RYR3: variants seen among roughly 807,000 people sequenced by gnomAD.
RYR3 encodes the protein ryanodine receptor 3, also known as brain ryanodine receptor-calcium release channel.
RYR3 carries 207 observed loss-of-function variants against 584.3 expected under a neutral mutation model. The observed-to-expected ratio is 0.35, with a 90% CI of 0.32 to 0.40. RYR3 has a LOEUF of 0.40. Among genes scored for constraint, RYR3 ranks in the 10% least tolerant of loss-of-function variants. The pLI, the probability that RYR3 is intolerant of heterozygous loss-of-function variation, is 1.00. For missense variants in RYR3, 5,616 were observed against 6,089.2 expected (o/e 0.92, Z 2.59); for synonymous variants, 2,416 against 2,248.5 (o/e 1.07, Z -2.11).
Position 33,628,552 on chromosome 15 carries a change from G to C in RYR3, c.2656G>C (p.Glu886Gln), listed in dbSNP as rs2061111459. ...TGAGCTTTGGGGAATGAATAAAATA[G>C]AACTTGGCTGGACTTTCGGCAAGGT... The part of the protein sequence containing the change: ...IHELWGMNKI[E>Q]LGWTFGKIRD... The change falls in exon 21 of 104, where the codon GAA becomes CAA. Residue 886 changes from glutamate (E) to glutamine (Q), a missense_variant. Physicochemically the swap from Glu to Gln is conservative, Grantham distance 29. This residue lies in a region of RYR3 where 1,284 missense variants were observed against 1,344.6 expected (regional missense o/e 0.95). Transcript: ENST00000634891. The C allele has an allele frequency of 2.5e-6, 4 of 1,613,296 alleles. No homozygotes were observed. Among genetic ancestry groups the C allele is most frequent in the Non-Finnish European group, 3.4e-6 (4 of 1,179,286 alleles).
chr15:33,727,359 C>T (rs1355243066), intron 46 of RYR3, among the ~76,000 whole-genome samples: 1 of 152,164 alleles, frequency 6.6e-6, no homozygotes, highest in African/African-American at 2.4e-5. Context: ...GTTTCCCAAA[C>T]TGATATTCCA....
intron 12 of RYR3, among the ~76,000 whole-genome samples, chr15:33,577,544 C>G (rs1021756995): frequency 7.2e-5 from 11 of 152,124 alleles, no homozygotes; most frequent in Non-Finnish European, 1.0e-4. Context: ...ATAAATGATG[C>G]TGGGAGAACT....
At chr15:33,772,194 C>T (rs757464367) in intron 63 of RYR3, 36 bp downstream of exon 63, 2 of 1,383,552 alleles carry the variant, frequency 1.4e-6, no homozygotes, top group Non-Finnish European at 2.0e-6. Context: ...GATGTATGTG[C>T]ACATGGCCCC....
intron 21 of RYR3, 125 bp from the exon 22 acceptor site, chr15:33,629,815 G>A: frequency 1.7e-6 from 1 of 583,168 alleles, no homozygotes; most frequent in Non-Finnish European, 3.0e-6. Flanking sequence ...ATAGCAAGTT[G>A]CTGTCTTTCT....
chr15:33,496,531 G>A (rs757102989), intron 2 of RYR3, among the ~76,000 whole-genome samples: 186 of 152,212 alleles, frequency 1.2e-3, no homozygotes, highest in Middle Eastern at 3.4e-3. Flanking sequence ...TTGAGGAGAT[G>A]AGAGAAAAAG....
At position 33,772,071 on chromosome 15, in the gene RYR3, A is replaced by G; in HGVS notation, c.8968A>G (p.Ile2990Val). The change falls in exon 63 of 104, where the codon ATT (isoleucine) becomes GTT (valine). Residue 2990 changes from isoleucine to valine, a missense_variant. This residue lies in a region of RYR3 where 954 missense variants were observed against 1,132.2 expected (regional missense o/e 0.84). Coordinates refer to ENST00000634891, the MANE Select transcript of RYR3 (RefSeq NM_001036.6). ...GCAGATTAAAGGCGTTTCTCAGAAT[A>G]TTAACTACACTACAGTGGCTCTGCT... is the stretch of plus-strand genomic sequence containing the variant. ...RTQIKGVSQN[I>V]NYTTVALLPI... The G allele has an allele frequency of 1.2e-6, 2 of 1,613,878 alleles. No homozygotes were observed. Among genetic ancestry groups the G allele is most frequent in the South Asian group, 1.1e-5 (1 of 91,024 alleles).
intron 1 of RYR3, among the ~76,000 whole-genome samples, chr15:33,429,856 A>T (rs1175941263): frequency 6.6e-6 from 1 of 152,246 alleles, no homozygotes; most frequent in East Asian, 1.9e-4. Flanking sequence ...CATAAACAAG[A>T]TTTCTTTTCA....
At chr15:33,383,277 A>G (rs1032161122) in intron 1 of RYR3, among the ~76,000 whole-genome samples, 1 of 147,838 alleles carries the variant, frequency 6.8e-6, no homozygotes, top group African/African-American at 2.5e-5. Context: ...CCAGCTTTGT[A>G]TTGTTGTGGC....
chr15:33,694,865 G>T (rs2065723676), intron 38 of RYR3, among the ~76,000 whole-genome samples: 1 of 152,202 alleles, frequency 6.6e-6, no homozygotes, highest in Non-Finnish European at 1.5e-5. Flanking sequence ...CACACCGACA[G>T]GGTTGATAGA....
Position 33,603,113 on chromosome 15 carries a change from T to C in RYR3, c.1923-10T>C, listed in dbSNP as rs745639913. The stretch of plus-strand genomic sequence containing the variant: ...GTGTGTAGATGCCACTTGCCCATGT[T>C]TACTTTCAGTATCCGGCCAAACATC... On this transcript the variant is annotated splice_polypyrimidine_tract_variant and intron_variant, in intron 17 of 103. Coordinates refer to ENST00000634891, the MANE Select transcript of RYR3 (RefSeq NM_001036.6). The C allele has an allele frequency of 2.5e-6, 4 of 1,612,968 alleles. No homozygotes were observed. Among genetic ancestry groups the C allele is most frequent in the Non-Finnish European group, 3.4e-6 (4 of 1,179,380 alleles).
intron 98 of RYR3, chr15:33,855,969 C>G (rs2079615695): frequency 6.6e-6 from 1 of 152,056 alleles, no homozygotes; most frequent in African/African-American, 2.4e-5. Context: ...AACCTTTGTA[C>G]GGGAGAGGGA....
intron 43 of RYR3, among the ~76,000 whole-genome samples, chr15:33,707,673 T>C (rs1195805051): frequency 1.3e-5 from 2 of 152,202 alleles, no homozygotes; most frequent in Non-Finnish European, 2.9e-5. Flanking sequence ...TAAGAATTTT[T>C]GTTATAATAC....
intron 42 of RYR3, among the ~76,000 whole-genome samples, chr15:33,704,008 G>T (rs1332829944): frequency 6.6e-6 from 1 of 152,102 alleles, no homozygotes; most frequent in Non-Finnish European, 1.5e-5. Flanking sequence ...GGTGGCTCAC[G>T]CCTGTAATCC....
At chr15:33,742,666 C>G (rs748044508) in intron 52 of RYR3, among the ~76,000 whole-genome samples, 2 of 152,174 alleles carry the variant, frequency 1.3e-5, no homozygotes, top group African/African-American at 2.4e-5. Flanking sequence ...AGAAAATGAT[C>G]AATTCTGGAA....
intron 1 of RYR3, among the ~76,000 whole-genome samples, chr15:33,428,244 T>A (rs138696939): frequency 1.3e-4 from 20 of 152,272 alleles, no homozygotes; most frequent in Admixed American, 2.6e-4. Context: ...TGCATTCGAG[T>A]TAATGAGCTA....
intron 18 of RYR3, among the ~76,000 whole-genome samples, chr15:33,610,137 A>G (rs986584850): frequency 1.3e-5 from 2 of 152,176 alleles, no homozygotes; most frequent in African/African-American, 2.4e-5. Flanking sequence ...GCTCCTGTCC[A>G]GCTTTATTGC....
In RYR3 at chr15:33,662,764, A is replaced by T. The variant is rs2063241981; in HGVS notation, c.5234A>T (p.Gln1745Leu). 2.5e-6 allele frequency: 4 copies of T among 1,614,078 alleles called. No individual in the cohort carries two copies. Among genetic ancestry groups the T allele is most frequent in the Non-Finnish European group, 2.5e-6 (3 of 1,179,956 alleles). The change falls in exon 35 of 104, where the codon CAG (glutamine) becomes CTG (leucine). Residue 1745 changes from glutamine (Q) to leucine (L), a missense_variant. By Grantham distance (113) the Gln-to-Leu change is moderately radical. Coordinates refer to ENST00000634891, the MANE Select transcript of RYR3 (RefSeq NM_001036.6). ...MGVFDDDDVR[Q>L]ILLLIDPSVF... is the part of the protein sequence containing the mutation. The stretch of plus-strand genomic sequence containing the variant: ...GTGTTTGATGATGATGATGTTCGGC[A>T]GATCCTCCTCCTGATTGATCCCTCT...
intron 6 of RYR3, among the ~76,000 whole-genome samples, chr15:33,539,754 A>G (rs2055652505): frequency 6.6e-6 from 1 of 151,856 alleles, no homozygotes; most frequent in Non-Finnish European, 1.5e-5. Context: ...TTTATATGAT[A>G]TATGTATTAT....
At chr15:33,862,464 C>T (rs192334535) in intron 102 of RYR3, among the ~76,000 whole-genome samples, 1 of 152,196 alleles carries the variant, frequency 6.6e-6, no homozygotes, top group Admixed American at 6.5e-5. Flanking sequence ...ACCTTGGCCT[C>T]CCAGAGTGCT....
Sources: gnomAD v4.1 joint callset for allele counts (sites outside exome capture counted in the v4.1 genomes callset) on GRCh38, gnomAD v4.1.1 for gene constraint, gnomAD v4.1.1 regional missense constraint, MANE v1.5 for transcripts, NCBI Gene and HGNC (gene_info 2026-07-23, HGNC 2026-07-21) for gene names.